ARMH3: variants seen among roughly 807,000 people sequenced by gnomAD.
The protein encoded by ARMH3 is armadillo-like helical domain-containing protein 3.
In ARMH3, 60 loss-of-function variants were observed where a neutral mutation model predicts 99.1. That is an observed-to-expected ratio of 0.61 (90% CI 0.49 to 0.75). The LOEUF is 0.75. Ranked by LOEUF, ARMH3 falls within the 30% of genes least tolerant of loss-of-function variation. The pLI is 0.00. For missense variants in ARMH3, 679 were observed against 843.1 expected, an observed-to-expected ratio of 0.81 and a Z score of 2.41; for synonymous variants, 285 against 292.8, an observed-to-expected ratio of 0.97 and a Z score of 0.27.
intron 19 of ARMH3, among the ~76,000 whole-genome samples, chr10:101,978,130 G>A (rs142483553): frequency 5.5e-4 from 83 of 152,252 alleles, no homozygotes; most frequent in African/African-American, 1.9e-3. Context: ...TTCTACTTTT[G>A]CATATCAAAT....
intron 1 of ARMH3, among the ~76,000 whole-genome samples, chr10:102,045,635 G>A (rs776278711): frequency 4.7e-4 from 72 of 152,124 alleles, no homozygotes; most frequent in Non-Finnish European, 9.1e-4. Flanking sequence ...GTTTATTAAA[G>A]TGGGTCTTTT....
chr10:101,933,275 ACT>A (rs1438570487), intron 23 of ARMH3, among the ~76,000 whole-genome samples: 1 of 152,152 alleles, frequency 6.6e-6, no homozygotes, highest in Non-Finnish European at 1.5e-5. Context: ...ATAGAAAAAG[ACT>A]CTAAGAAAAT....
At chr10:102,014,580 G>A (rs2066702407) in intron 8 of ARMH3, among the ~76,000 whole-genome samples, 1 of 152,166 alleles carries the variant, frequency 6.6e-6, no homozygotes, top group South Asian at 2.1e-4. Context: ...CTGCTTAACA[G>A]CCAGAGAGGT....
chr10:101,890,027 C>CA (rs1206966076), intron 23 of ARMH3, among the ~76,000 whole-genome samples: 7 of 152,090 alleles, frequency 4.6e-5, no homozygotes, highest in Non-Finnish European at 1.0e-4. Flanking sequence ...TAGTCACATC[C>CA]AAAATTACCT....
intron 13 of ARMH3, among the ~76,000 whole-genome samples, chr10:102,008,462 G>A (rs368322133): frequency 1.3e-5 from 2 of 152,098 alleles, no homozygotes; most frequent in Non-Finnish European, 2.9e-5. Context: ...CAATTACTGT[G>A]GCTATCCCTC....
rs115026991 is a variant in ARMH3 at position 101,898,905 on chromosome 10, C to T, written c.1782-9415G>A. Among the ~76,000 whole-genome samples, 1,399 of 152,332 alleles carry T rather than the reference C, an allele frequency of 9.2e-3. 18 individuals are homozygous for T. Among genetic ancestry groups the T allele is most frequent in the African/African-American group, 0.032 (1,330 of 41,572 alleles). ...TAAATATTTACACCTGGATGTCTTGCTTTTGTTTACCTGGATCTCTTCACA... is the reference window on the plus strand; with the variant it reads ...TAAATATTTACACCTGGATGTCTTGTTTTTGTTTACCTGGATCTCTTCACA... On this transcript the variant is annotated intron_variant, in intron 23 of 25. Coordinates refer to ENST00000370033, the MANE Select transcript of ARMH3 (RefSeq NM_024541.3).
chr10:101,966,177 C>T (rs1303363541), intron 20 of ARMH3, among the ~76,000 whole-genome samples: 1 of 148,004 alleles, frequency 6.8e-6, no homozygotes, highest in Non-Finnish European at 1.5e-5. Flanking sequence ...GCAATCCCGG[C>T]TCACTGCAAC....
chr10:101,974,615 T>G (rs1035227370), intron 20 of ARMH3, among the ~76,000 whole-genome samples: 3 of 152,210 alleles, frequency 2.0e-5, no homozygotes, highest in African/African-American at 7.2e-5. Context: ...GCAGTGACTT[T>G]ACTGGGCTAC....
chr10:102,011,592 G>C, intron 11 of ARMH3, 131 bp downstream of exon 11: 1 of 653,856 alleles, frequency 1.5e-6, no homozygotes, highest in Non-Finnish European at 2.5e-6. Context: ...AAGAAAATCT[G>C]CTCTGAGCAG....
At chr10:101,875,464 A>G (rs969400694) in intron 24 of ARMH3, among the ~76,000 whole-genome samples, 2 of 152,208 alleles carry the variant, frequency 1.3e-5, no homozygotes, top group East Asian at 3.8e-4. Flanking sequence ...TGCCTTTTAA[A>G]AGGTAACTTC....
chr10:101,914,971 T>C (rs1843018702), intron 23 of ARMH3, among the ~76,000 whole-genome samples: 1 of 152,148 alleles, frequency 6.6e-6, no homozygotes, highest in East Asian at 1.9e-4. Context: ...AGCTTTTTGT[T>C]ACTTTCTACA....
intron 20 of ARMH3, among the ~76,000 whole-genome samples, chr10:101,972,756 G>C (rs1377354065): frequency 1.3e-5 from 2 of 152,184 alleles, no homozygotes; most frequent in Non-Finnish European, 2.9e-5. Flanking sequence ...GCCTATACAG[G>C]AAAAGGAGCT....
chr10:101,966,524 G>A (rs879750250), intron 20 of ARMH3, among the ~76,000 whole-genome samples: 2 of 151,880 alleles, frequency 1.3e-5, no homozygotes, highest in Non-Finnish European at 2.9e-5. Flanking sequence ...AAAGTGCTGG[G>A]ATTATACGTG....
At chr10:101,947,886 C>G (rs914091177) in intron 22 of ARMH3, among the ~76,000 whole-genome samples, 9 of 151,902 alleles carry the variant, frequency 5.9e-5, no homozygotes, top group African/African-American at 1.9e-4. Flanking sequence ...GTGGTACAAT[C>G]CTGACTTTAG....
At chr10:101,903,011 A>C (rs1253323953) in intron 23 of ARMH3, among the ~76,000 whole-genome samples, 5 of 152,166 alleles carry the variant, frequency 3.3e-5, no homozygotes, top group African/African-American at 1.2e-4. Flanking sequence ...GCTCACAAAG[A>C]GGTTATTAGC....
At chr10:101,977,185 T>C (rs569310295) in intron 19 of ARMH3, among the ~76,000 whole-genome samples, 1 of 152,322 alleles carries the variant, frequency 6.6e-6, no homozygotes, top group South Asian at 2.1e-4. Context: ...AGCATTCTGC[T>C]AGATCATTGG....
At chr10:101,906,603 CAG>C (rs1842646233) in intron 23 of ARMH3, among the ~76,000 whole-genome samples, 1 of 152,160 alleles carries the variant, frequency 6.6e-6, no homozygotes, top group Non-Finnish European at 1.5e-5. Flanking sequence ...GGGTAGCAGA[CAG>C]AGAATTTAAA....
intron 19 of ARMH3, among the ~76,000 whole-genome samples, chr10:101,984,647 G>C (rs751548061): frequency 1.3e-5 from 2 of 152,084 alleles, no homozygotes; most frequent in Non-Finnish European, 2.9e-5. Context: ...CTCCAGCACT[G>C]CTCCTAGATT....
chr10:102,023,556 GA>G lies in ARMH3; in HGVS notation c.589del (p.Ser197ProfsTer21). On this transcript the variant is annotated frameshift_variant, in exon 8 of 26. Coordinates refer to ENST00000370033, the MANE Select transcript of ARMH3 (RefSeq NM_024541.3). LOFTEE classifies it high-confidence loss of function. ...SIFEAILQIL[S>X]HPPSRREHGY... ...ATGCTCCCTACGACTTGGGGGATGG[GA>G]AAGTATCTGTAACAAGAACCAAAAA... 1.2e-6 allele frequency: 2 copies of G among 1,613,984 alleles called. No homozygotes were observed. Among genetic ancestry groups the G allele is most frequent in the Non-Finnish European group, 1.7e-6 (2 of 1,179,934 alleles).
Sources: allele counts gnomAD v4.1 joint callset (sites outside exome capture counted in the v4.1 genomes callset), GRCh38; gene constraint gnomAD v4.1.1; transcripts MANE v1.5; gene names NCBI Gene and HGNC (gene_info 2026-07-23, HGNC 2026-07-21).